FBXL7: variants seen among roughly 807,000 people sequenced by gnomAD.
FBXL7 encodes F-box/LRR-repeat protein 7.
Under a neutral mutation model 38.3 loss-of-function variants are expected in FBXL7, and 12 were observed. The observed-to-expected ratio is 0.31, with a 90% CI of 0.20 to 0.51. The LOEUF (loss-of-function observed/expected upper bound fraction) is 0.51, where lower values mean the gene tolerates loss of function less well. Among genes scored for constraint, FBXL7 ranks in the 20% least tolerant of loss-of-function variants. FBXL7 has a pLI of 0.98. For missense variants in FBXL7, 567 were observed against 676.4 expected (o/e 0.84, Z 1.79); for synonymous variants, 297 against 300.9 (o/e 0.99, Z 0.13).
At chr5:15,684,228 C>T (rs148829354) in intron 2 of FBXL7, among the ~76,000 whole-genome samples, 29 of 152,240 alleles carry the variant, frequency 1.9e-4, no homozygotes, top group East Asian at 1.2e-3. Context: ...AGCCTACGCA[C>T]CTGCTCTCAA....
chr5:15,721,844 T>C (rs1021260671), intron 2 of FBXL7, among the ~76,000 whole-genome samples: 16 of 152,036 alleles, frequency 1.1e-4, no homozygotes, highest in Non-Finnish European at 1.8e-4. Flanking sequence ...TATTTATTTA[T>C]TTATTTTTGA....
intron 1 of FBXL7, among the ~76,000 whole-genome samples, chr5:15,578,201 T>C (rs944110241): frequency 1.3e-5 from 2 of 152,224 alleles, no homozygotes; most frequent in African/African-American, 4.8e-5. Context: ...TAGAGAAATT[T>C]CTGCAACTTT....
intron 1 of FBXL7, among the ~76,000 whole-genome samples, chr5:15,519,066 GGGCGC>G (rs1343477683): frequency 6.6e-6 from 1 of 152,152 alleles, no homozygotes; most frequent in Non-Finnish European, 1.5e-5. Flanking sequence ...CCCTGCAGCA[GGGCGC>G]GGTGGCTCAT....
At chr5:15,869,870 G>C (rs976822142) in intron 2 of FBXL7, among the ~76,000 whole-genome samples, 2 of 152,116 alleles carry the variant, frequency 1.3e-5, no homozygotes, top group African/African-American at 4.8e-5. Context: ...AATACTTTGG[G>C]AGGCTGAGAT....
At chr5:15,606,192 A>G (rs1483971648) in intron 1 of FBXL7, among the ~76,000 whole-genome samples, 3 of 152,014 alleles carry the variant, frequency 2.0e-5, no homozygotes, top group Non-Finnish European at 4.4e-5. Flanking sequence ...TTTTTTGATC[A>G]GTTTTCTTTC....
At chr5:15,901,376 A>C (rs1440144919) in intron 2 of FBXL7, among the ~76,000 whole-genome samples, 3 of 152,198 alleles carry the variant, frequency 2.0e-5, no homozygotes, top group Non-Finnish European at 4.4e-5. Context: ...AATTCCATTC[A>C]TGAAGGTTCT....
chr5:15,709,307 T>C (rs981867623), intron 2 of FBXL7, among the ~76,000 whole-genome samples: 10 of 152,018 alleles, frequency 6.6e-5, no homozygotes, highest in Non-Finnish European at 1.2e-4. Context: ...GCAGAGGCAG[T>C]TGGGTCACCT....
rs554043158 is a variant in FBXL7, at chr5:15,923,973, C to T, written c.128-3917C>T. Among the ~76,000 whole-genome samples the T allele has an allele frequency of 5.3e-5, 8 of 152,232 alleles. No homozygotes were observed. In the East Asian group the frequency reaches 1.5e-3, roughly 29 times the overall value. The stretch of plus-strand genomic sequence containing the variant: ...GGCAGGAGAGGGATTTCTGTGCCCT[C>T]ACAGCTGCTAAAATGTCAGAGCTGA... On this transcript the variant is annotated intron_variant, in intron 2 of 3. Coordinates refer to ENST00000504595, the MANE Select transcript of FBXL7 (RefSeq NM_012304.5).
At chr5:15,589,370 G>A (rs1357809984) in intron 1 of FBXL7, among the ~76,000 whole-genome samples, 3 of 152,054 alleles carry the variant, frequency 2.0e-5, no homozygotes, top group Non-Finnish European at 4.4e-5. Flanking sequence ...GTTCTTACAA[G>A]ATCTGGTTGT....
intron 1 of FBXL7, among the ~76,000 whole-genome samples, chr5:15,530,247 T>C (rs1463340741): frequency 6.6e-6 from 1 of 152,206 alleles, no homozygotes; most frequent in Admixed American, 6.5e-5. Flanking sequence ...TTTGCCTTTA[T>C]ATTCTGACAG....
At chr5:15,818,806 A>G (rs1011295380) in intron 2 of FBXL7, among the ~76,000 whole-genome samples, 8 of 151,604 alleles carry the variant, frequency 5.3e-5, no homozygotes, top group Middle Eastern at 3.2e-3. Context: ...GAAGAAGAAC[A>G]TATTAGTTAT....
At chr5:15,508,195 G>C (rs776959984) in intron 1 of FBXL7, among the ~76,000 whole-genome samples, 11 of 152,090 alleles carry the variant, frequency 7.2e-5, no homozygotes, top group Non-Finnish European at 1.6e-4. Context: ...GTTTTATAAT[G>C]AAGTACTGAA....
intron 2 of FBXL7, among the ~76,000 whole-genome samples, chr5:15,655,967 C>G (rs542766262): frequency 1.3e-5 from 2 of 152,284 alleles, no homozygotes; most frequent in Non-Finnish European, 2.9e-5. Context: ...GACCTTTAGT[C>G]TTTATCATTT....
chr5:15,904,442 C>A (rs748719780), intron 2 of FBXL7, among the ~76,000 whole-genome samples: 3 of 152,054 alleles, frequency 2.0e-5, no homozygotes, highest in Non-Finnish European at 4.4e-5. Flanking sequence ...AGATTCCTTG[C>A]TATGATTATT....
chr5:15,715,815 C>T (rs1324704771), intron 2 of FBXL7, among the ~76,000 whole-genome samples: 1 of 152,126 alleles, frequency 6.6e-6, no homozygotes, highest in South Asian at 2.1e-4. Flanking sequence ...GCTACTTGCC[C>T]ACCGAACTAG....
chr5:15,652,428 G>A (rs755239640), intron 2 of FBXL7, among the ~76,000 whole-genome samples: 7 of 152,150 alleles, frequency 4.6e-5, no homozygotes, highest in Admixed American at 2.6e-4. Flanking sequence ...CACCAAGCCC[G>A]GCTAATTTTT....
chr5:15,658,084 G>T (rs1741937612), intron 2 of FBXL7, among the ~76,000 whole-genome samples: 1 of 152,072 alleles, frequency 6.6e-6, no homozygotes, highest in Non-Finnish European at 1.5e-5. Context: ...TGTTGAGGGT[G>T]GCAGAAAAGC....
intron 2 of FBXL7, among the ~76,000 whole-genome samples, chr5:15,629,198 T>C (rs1176783568): frequency 6.6e-6 from 1 of 150,590 alleles, no homozygotes; most frequent in Non-Finnish European, 1.5e-5. Flanking sequence ...AGACATGAGC[T>C]CAGGAGTTTG....
rs182113514 is a variant in FBXL7 at position 15,848,913 on chromosome 5, C to T, written c.128-78977C>T. Among the ~76,000 whole-genome samples the T allele has an allele frequency of 3.7e-4, 56 of 152,246 alleles. No individual in the cohort carries two copies. In the East Asian group the frequency reaches 9.1e-3, roughly 25 times the overall value. The stretch of plus-strand genomic sequence containing the variant: ...TGACTGTTTAAAAGGAAACAAAGCC[C>T]GAGTGAATGTTTTCAAATGCTATAG... On this transcript the variant is annotated intron_variant, in intron 2 of 3. Transcript: ENST00000504595.
Sources: allele counts gnomAD v4.1 joint callset (sites outside exome capture counted in the v4.1 genomes callset), GRCh38; gene constraint gnomAD v4.1.1; transcripts MANE v1.5; gene names NCBI Gene and HGNC (gene_info 2026-07-23, HGNC 2026-07-21).